Variants in TSHR observed in about 807,000 individuals in gnomAD.
TSHR encodes the protein thyroid stimulating hormone receptor, also known as thyrotropin receptor.
Under a neutral mutation model 64.1 loss-of-function variants are expected in TSHR, and 51 were observed. The observed-to-expected ratio is 0.80, with a 90% CI of 0.64 to 1.01. TSHR has a LOEUF of 1.01. Ranked by LOEUF, TSHR falls within the 50% of genes least tolerant of loss-of-function variation. The pLI is 0.00. For synonymous variants in TSHR, 361 were observed against 361.9 expected, an observed-to-expected ratio of 1.00 and a Z score of 0.03; for missense variants, 877 against 942.8, an observed-to-expected ratio of 0.93 and a Z score of 0.91.
At chr14:81,108,578 G>A in intron 8 of TSHR, 126 bp downstream of exon 8, 1 of 1,611,768 alleles carries the variant, frequency 6.2e-7, no homozygotes, top group Non-Finnish European at 8.5e-7. Context: ...TCGGGTAAAG[G>A]CTTCTGCAAG....
intron 1 of TSHR, among the ~76,000 whole-genome samples, chr14:80,978,089 C>T (rs1189797989): frequency 1.8e-5 from 2 of 108,324 alleles, no homozygotes; most frequent in Non-Finnish European, 3.7e-5. Flanking sequence ...CAACAACATC[C>T]CTCCAACACA....
intron 1 of TSHR, among the ~76,000 whole-genome samples, chr14:81,022,122 A>AAT (rs1443174317): frequency 1.2e-4 from 18 of 150,746 alleles, no homozygotes; most frequent in African/African-American, 3.9e-4. Flanking sequence ...AAAAAAAAAA[A>AAT]AGCCAGGCGT....
At chr14:80,980,242 T>G (rs1888099593) in intron 1 of TSHR, among the ~76,000 whole-genome samples, 1 of 152,212 alleles carries the variant, frequency 6.6e-6, no homozygotes, top group Non-Finnish European at 1.5e-5. Flanking sequence ...CCACTCTTTT[T>G]TTTCTATAAT....
intron 1 of TSHR, among the ~76,000 whole-genome samples, chr14:81,031,704 T>C (rs1421389045): frequency 6.6e-6 from 1 of 152,244 alleles, no homozygotes; most frequent in East Asian, 1.9e-4. Context: ...GCCTGGCACT[T>C]TGCCCACAGG....
chr14:80,969,626 C>T (rs1490346721), intron 1 of TSHR, among the ~76,000 whole-genome samples: 1 of 152,168 alleles, frequency 6.6e-6, no homozygotes. Context: ...GGAGCCCAAG[C>T]CATTGGGTCC....
In TSHR at chr14:81,144,150, A is replaced by G. The variant is rs755360771; in HGVS notation, c.2092A>G (p.Ile698Val). The change falls in exon 10 of 10, where the codon ATC (isoleucine) becomes GTC (valine). Residue 698 changes from isoleucine (I) to valine (V), a missense_variant. Ile to Val is a conservative substitution (Grantham distance 29). Transcript: ENST00000298171. ...GTTCATCCTACTCAGCAAGTTTGGC[A>G]TCTGTAAACGCCAGGCTCAGGCATA... ...DVFILLSKFG[I>V]CKRQAQAYRG... 1 of 1,614,138 alleles carries G rather than the reference A, an allele frequency of 6.2e-7. No homozygotes were observed. The highest frequency in any genetic ancestry group is 1.7e-5 in the Admixed American group (1 of 60,012).
Position 81,087,831 on chromosome 14 carries a change from C to A in TSHR, c.318-123C>A, listed in dbSNP as rs935491098. ...CCTGGCAGCTACAGCCCCTGGGGTA[C>A]CCTGTGGCGTAAATGCATATTTTTC... On this transcript the variant is annotated intron_variant, in intron 3 of 9. Transcript: ENST00000298171. The A allele has an allele frequency of 4.4e-5, 35 of 794,168 alleles. No homozygotes were observed. In the African/African-American group the frequency reaches 5.3e-4, roughly 12 times the overall value. 49.2% of individuals were successfully genotyped at this position (794,168 alleles called of 1,614,324 possible). A position where few individuals can be genotyped will look rare whatever the true frequency, so the allele number is the denominator to read the frequency against.
chr14:81,038,747 T>C lies in TSHR; in HGVS notation c.171-23401T>C, dbSNP rs144012281. 2.7e-4 allele frequency among the ~76,000 whole-genome samples: 40 copies of C among 146,788 alleles called. No homozygotes were observed. In the East Asian group the frequency reaches 6.5e-3, roughly 24 times the overall value. ...TAAAGTATAATAAAAAATAAATATA[T>C]ATATATTAAAAATAAATAAAAAGAA... On this transcript the variant is annotated intron_variant, in intron 1 of 9. Coordinates refer to ENST00000298171, the MANE Select transcript of TSHR (RefSeq NM_000369.5).
At chr14:80,996,559 T>A (rs1238638800) in intron 1 of TSHR, among the ~76,000 whole-genome samples, 1 of 150,634 alleles carries the variant, frequency 6.6e-6, no homozygotes, top group Non-Finnish European at 1.5e-5. Context: ...AGTTACTAAG[T>A]GGACGAAGAA....
chr14:80,983,516 G>A (rs1888282106), intron 1 of TSHR: 1 of 1,345,264 alleles, frequency 7.4e-7, no homozygotes, highest in Non-Finnish European at 1.1e-6. Flanking sequence ...TTAGTGGTGT[G>A]GCCATATTTA....
intron 1 of TSHR, chr14:81,052,633 G>A (rs575724776): frequency 1.2e-4 from 19 of 152,262 alleles, no homozygotes; most frequent in African/African-American, 4.6e-4. Context: ...ACTTTGGGTA[G>A]TATAGACATT....
chr14:81,048,458 G>A (rs1466140940), intron 1 of TSHR, among the ~76,000 whole-genome samples: 1 of 151,930 alleles, frequency 6.6e-6, no homozygotes. Context: ...TACTAGGTTC[G>A]TTGGCCTGTC....
chr14:81,116,724 A>G (rs1890530739), intron 8 of TSHR, among the ~76,000 whole-genome samples: 1 of 147,934 alleles, frequency 6.8e-6, no homozygotes, highest in Admixed American at 6.7e-5. Context: ...TCAACAGAAT[A>G]TACATTTTTT....
intron 8 of TSHR, among the ~76,000 whole-genome samples, chr14:81,135,580 TG>T (rs991833524): frequency 6.6e-6 from 1 of 151,674 alleles, no homozygotes; most frequent in Non-Finnish European, 1.5e-5. Flanking sequence ...CTGATTGGGG[TG>T]GGGGGTTCTT....
intron 1 of TSHR, among the ~76,000 whole-genome samples, chr14:81,010,092 G>T (rs917378677): frequency 2.0e-5 from 3 of 151,988 alleles, no homozygotes; most frequent in Admixed American, 2.0e-4. Flanking sequence ...TCATTTTCCT[G>T]ATGACTACTG....
At chr14:81,087,871 TA>T in intron 3 of TSHR, 82 bp from the exon 4 acceptor site, 1 of 1,152,878 alleles carries the variant, frequency 8.7e-7, no homozygotes, top group South Asian at 1.2e-5. Flanking sequence ...GAACGTTTGT[TA>T]AAACTGATTT....
chr14:81,137,220 G>A (rs1891490986), intron 8 of TSHR, among the ~76,000 whole-genome samples: 1 of 152,192 alleles, frequency 6.6e-6, no homozygotes, highest in African/African-American at 2.4e-5. Context: ...TGATTCTGAT[G>A]CTGGTCCAGA....
intron 1 of TSHR, among the ~76,000 whole-genome samples, chr14:81,019,333 CAA>C (rs3038181): frequency 1.1e-4 from 13 of 115,722 alleles, no homozygotes; most frequent in Admixed American, 9.5e-5. Context: ...GACTTTATCT[CAA>C]AAAAAAAAAA....
intron 7 of TSHR, among the ~76,000 whole-genome samples, chr14:81,099,773 A>G (rs1307655705): frequency 1.3e-5 from 2 of 152,216 alleles, no homozygotes; most frequent in Non-Finnish European, 2.9e-5. Context: ...TAGTTTACGT[A>G]TATTGACTAT....
Sources: allele counts gnomAD v4.1 joint callset (sites outside exome capture counted in the v4.1 genomes callset), GRCh38; gene constraint gnomAD v4.1.1; transcripts MANE v1.5; gene names NCBI Gene and HGNC (gene_info 2026-07-23, HGNC 2026-07-21).